Variants in SLC41A2 observed in about 807,000 individuals in gnomAD.
The protein encoded by SLC41A2 is solute carrier family 41 member 2.
A neutral mutation model predicts 58.3 loss-of-function variants in SLC41A2; 32 were observed. That is an observed-to-expected ratio of 0.55 (90% confidence interval 0.41 to 0.74). The LOEUF (loss-of-function observed/expected upper bound fraction) is 0.74, where lower values mean the gene tolerates loss of function less well. Among genes scored for constraint, SLC41A2 ranks in the 30% least tolerant of loss-of-function variants. The pLI is 0.00. For synonymous variants in SLC41A2, 190 were observed against 235.0 expected (o/e 0.81, Z 1.75); for missense variants, 514 against 680.6 (o/e 0.76, Z 2.72).
At chr12:104,919,639 T>C (rs971546839) in intron 2 of SLC41A2, among the ~76,000 whole-genome samples, 2 of 152,216 alleles carry the variant, frequency 1.3e-5, no homozygotes, top group Non-Finnish European at 2.9e-5. Flanking sequence ...GCCATCTGTA[T>C]ATGTTCTTCA....
chr12:104,822,840 C>T (rs2041691106), intron 10 of SLC41A2, among the ~76,000 whole-genome samples: 2 of 151,944 alleles, frequency 1.3e-5, no homozygotes, highest in African/African-American at 2.4e-5. Context: ...CTCTGAACTC[C>T]TTTGACATAA....
chr12:104,929,392 C>A (rs924525535), intron 1 of SLC41A2, among the ~76,000 whole-genome samples: 9 of 152,140 alleles, frequency 5.9e-5, no homozygotes, highest in Non-Finnish European at 1.2e-4. Context: ...TCACTTAAAC[C>A]TCCATTTGCA....
At position 104,866,552 on chromosome 12, in the gene SLC41A2, A is replaced by G. The variant is rs919996513; in HGVS notation, c.1055T>C (p.Val352Ala). 1.2e-6 allele frequency: 2 copies of G among 1,608,340 alleles called. No individual in the cohort carries two copies. Among genetic ancestry groups the G allele is most frequent in the Admixed American group, 1.7e-5 (1 of 59,376 alleles). The change falls in exon 7 of 11, where the codon GTT becomes GCT. Residue 352 changes from valine (V) to alanine (A), a missense_variant. Coordinates refer to ENST00000258538, the MANE Select transcript of SLC41A2 (RefSeq NM_001352171.3). ...LETYYYISPL[V>A]GVFFLALTPI... Reference sequence around the variant, plus strand: ...GGTTAGAGCCAAGAAAAATACACCAACTAATGGAGAAATGTAGTAATAGGT... The same window carrying G: ...GGTTAGAGCCAAGAAAAATACACCAGCTAATGGAGAAATGTAGTAATAGGT...
intron 6 of SLC41A2, among the ~76,000 whole-genome samples, chr12:104,883,469 T>A (rs2044491751): frequency 1.3e-5 from 2 of 152,210 alleles, no homozygotes; most frequent in African/African-American, 4.8e-5. Context: ...CTACCTTTGG[T>A]CTTTGATGAT....
At chr12:104,853,911 A>ATTATTTTTTTTTTTTTTTTT in intron 8 of SLC41A2, among the ~76,000 whole-genome samples, 15 of 59,498 alleles carry the variant, frequency 2.5e-4, no homozygotes, top group African/African-American at 1.0e-3. Context: ...TGCCTGGCTG[A>ATTATTTTTTTTTTTTTTTTT]TTTTTTTTTT....
At position 104,944,743 on chromosome 12, in the gene SLC41A2, T is replaced by C. The variant is rs141125219; in HGVS notation, c.-168+13345A>G. On this transcript the variant is annotated intron_variant, in intron 1 of 10. Coordinates refer to ENST00000258538, the MANE Select transcript of SLC41A2 (RefSeq NM_001352171.3). ...CAATTTAGCTGTCATATAGTGATCTTTGCTCATAAAAATTCCCAACTACCC... is the reference window on the plus strand; with the variant it reads ...CAATTTAGCTGTCATATAGTGATCTCTGCTCATAAAAATTCCCAACTACCC... 2.2e-4 allele frequency among the ~76,000 whole-genome samples: 34 copies of C among 152,324 alleles called. No individual in the cohort carries two copies. In the East Asian group the frequency reaches 6.2e-3, roughly 28 times the overall value.
chr12:104,844,723 C>T (rs2042540720), intron 9 of SLC41A2, 103 bp from the exon 10 acceptor site: 1 of 467,708 alleles, frequency 2.1e-6, no homozygotes, highest in African/African-American at 2.0e-5. Context: ...TACTATACTT[C>T]ATACTATCAC....
intron 3 of SLC41A2, among the ~76,000 whole-genome samples, chr12:104,904,614 T>G (rs1157777868): frequency 6.6e-6 from 1 of 152,062 alleles, no homozygotes; most frequent in African/African-American, 2.4e-5. Flanking sequence ...GCTCTTAAAG[T>G]GGCGCGTCTG....
chr12:104,862,486 G>A (rs2136429887), intron 7 of SLC41A2, among the ~76,000 whole-genome samples: 1 of 152,134 alleles, frequency 6.6e-6, no homozygotes, highest in South Asian at 2.1e-4. Context: ...CATAACAATT[G>A]CTAAAAATAC....
intron 10 of SLC41A2, among the ~76,000 whole-genome samples, chr12:104,823,856 A>C (rs1028258840): frequency 1.3e-5 from 2 of 152,212 alleles, no homozygotes; most frequent in South Asian, 4.1e-4. Flanking sequence ...ATAAGGACTA[A>C]AGTTAATAAA....
chr12:104,930,040 A>G (rs998531050), intron 1 of SLC41A2, among the ~76,000 whole-genome samples: 6 of 152,230 alleles, frequency 3.9e-5, no homozygotes, highest in African/African-American at 1.2e-4. Context: ...TTGTGATTAC[A>G]GAGGGGTCTG....
chr12:104,935,869 C>G (rs894256927), intron 1 of SLC41A2, among the ~76,000 whole-genome samples: 2 of 152,062 alleles, frequency 1.3e-5, no homozygotes, highest in Non-Finnish European at 2.9e-5. Flanking sequence ...ACGGCGAAAC[C>G]CTGTCTCTAG....
Position 104,857,109 on chromosome 12 carries a change from A to G in SLC41A2, c.1255+4182T>C, listed in dbSNP as rs920472044. On this transcript the variant is annotated intron_variant, in intron 8 of 10. Coordinates refer to ENST00000258538, the MANE Select transcript of SLC41A2 (RefSeq NM_001352171.3). ...ATAAGTAAAACGTATTTCAAAAAAG[A>G]GTACATAAGAAAGAGGAGTGGTATT... 3.0e-4 allele frequency among the ~76,000 whole-genome samples: 45 copies of G among 152,218 alleles called. No individual in the cohort carries two copies. The East Asian group carries it at 7.9e-3, about 27-fold the overall frequency.
At chr12:104,935,187 G>A (rs2047213474) in intron 1 of SLC41A2, among the ~76,000 whole-genome samples, 1 of 151,818 alleles carries the variant, frequency 6.6e-6, no homozygotes, top group Admixed American at 6.6e-5. Flanking sequence ...TCAAACTCCT[G>A]ACCTCAGGTG....
chr12:104,948,469 C>T (rs894578362), intron 1 of SLC41A2, among the ~76,000 whole-genome samples: 7 of 152,106 alleles, frequency 4.6e-5, no homozygotes. Context: ...AAAAGAATTG[C>T]TTTCTCTTAT....
chr12:104,939,449 T>C (rs1443325298), intron 1 of SLC41A2, among the ~76,000 whole-genome samples: 1 of 152,154 alleles, frequency 6.6e-6, no homozygotes, highest in Non-Finnish European at 1.5e-5. Flanking sequence ...CACTTCCTCC[T>C]GCCTATGCCT....
At chr12:104,921,930 CTTTGTGATCTAA>C (rs2135848891) in intron 2 of SLC41A2, among the ~76,000 whole-genome samples, 1 of 152,110 alleles carries the variant, frequency 6.6e-6, no homozygotes, top group South Asian at 2.1e-4. Flanking sequence ...CTATTATTTT[CTTTGTGATCTAA>C]GATAAGTTGT....
At chr12:104,911,449 T>A (rs2046083035) in intron 2 of SLC41A2, among the ~76,000 whole-genome samples, 2 of 152,130 alleles carry the variant, frequency 1.3e-5, no homozygotes, top group South Asian at 2.1e-4. Context: ...ATATTAAAGA[T>A]ACAAATATCT....
At chr12:104,845,196 G>A (rs1402076540) in intron 9 of SLC41A2, among the ~76,000 whole-genome samples, 2 of 152,170 alleles carry the variant, frequency 1.3e-5, no homozygotes, top group Admixed American at 6.5e-5. Context: ...GAAGGCTGAT[G>A]TGGGAGGATC....
Sources: gnomAD v4.1 joint callset for allele counts (sites outside exome capture counted in the v4.1 genomes callset) on GRCh38, gnomAD v4.1.1 for gene constraint, MANE v1.5 for transcripts, NCBI Gene and HGNC (gene_info 2026-07-23, HGNC 2026-07-21) for gene names.